The following PIEZO1 variants were observed in gnomAD, a reference collection of about 807,000 sequenced individuals.
The protein encoded by PIEZO1 is piezo-type mechanosensitive ion channel component 1.
Under a neutral mutation model 297.2 loss-of-function variants are expected in PIEZO1, and 296 were observed. The observed-to-expected ratio is 1.00, with a 90% CI of 0.91 to 1.10. The LOEUF is 1.10. Ranked by LOEUF, PIEZO1 falls within the 50% of genes least tolerant of loss-of-function variation. The pLI is 0.00. For synonymous variants in PIEZO1, 2,427 were observed against 1,507.5 expected, an observed-to-expected ratio of 1.61 and a Z score of -14.13; for missense variants, 5,018 against 3,455.5, an observed-to-expected ratio of 1.45 and a Z score of -11.34.
At chr16:88,761,280 A>G (rs1268437065) in intron 1 of PIEZO1, among the ~76,000 whole-genome samples, 1 of 152,232 alleles carries the variant, frequency 6.6e-6, no homozygotes, top group East Asian at 1.9e-4. Context: ...CATTTCACAG[A>G]TGAGCACACA....
At position 88,715,626 on chromosome 16, in the gene PIEZO1, C is replaced by T. The variant is rs760119794; in HGVS notation, c.7545G>A (p.Lys2515=). ...GCTCCTACTCCTTCTCACGAGTCCA[C>T]TTGATCATGGTCTCCGGTGAGCGGT... The part of the protein sequence containing the change: ...FLYRSPETMI[K]WTREKE Residue 2515 remains lysine (K), a synonymous_variant, in exon 51 of 51, where the codon AAG becomes AAA. Coordinates refer to ENST00000301015, the MANE Select transcript of PIEZO1 (RefSeq NM_001142864.4). 1.9e-6 allele frequency: 3 copies of T among 1,550,152 alleles called. No individual in the cohort carries two copies. The highest frequency in any genetic ancestry group is 2.4e-5 in the South Asian group (2 of 84,060).
In PIEZO1 at chr16:88,749,399, G is replaced by C. The variant is rs1166469802; in HGVS notation, c.145C>G (p.Arg49Gly). The C allele has an allele frequency of 1.3e-6, 2 of 1,514,358 alleles. No homozygotes were observed. The highest frequency in any genetic ancestry group is 2.1e-5 in the Admixed American group (1 of 47,482). The allele number at this position is 1,514,358 out of a possible 1,614,324, so 93.8% of individuals were successfully genotyped here. Residue 49 changes from arginine to glycine, a missense_variant, in exon 2 of 51, where the codon CGA (arginine) becomes GGA (glycine). Transcript: ENST00000301015. ...LLLPWFPGPT[R>G]CGLQGHTGRL... is the part of the protein sequence containing the mutation. ...CTGGCCTTACCTTGGAGGCCGCATC[G>C]GGTGGGGCCGGGGAACCAGGGCAGC...
intron 1 of PIEZO1, among the ~76,000 whole-genome samples, chr16:88,773,334 G>A (rs529872272): frequency 6.6e-6 from 1 of 152,380 alleles, no homozygotes; most frequent in East Asian, 1.9e-4. Flanking sequence ...GAGGAGGTCT[G>A]CCCACCTGGC....
At chr16:88,729,637 C>T (rs1182841794) in intron 22 of PIEZO1, among the ~76,000 whole-genome samples, 3 of 144,686 alleles carry the variant, frequency 2.1e-5, no homozygotes, top group Non-Finnish European at 4.5e-5. Flanking sequence ...CCCCATCTGC[C>T]ACAGAGGGAA....
chr16:88,738,123 G>C lies in PIEZO1; in HGVS notation c.849-18C>G. On this transcript the variant is annotated intron_variant, in intron 7 of 50. Coordinates refer to ENST00000301015, the MANE Select transcript of PIEZO1 (RefSeq NM_001142864.4). ...CCAGCACCCTGTCCAGAGAAGACCC[G>C]TCACAGCCTACCACCCCAGAGGCAG... 6.5e-7 allele frequency: 1 copy of C among 1,535,730 alleles called. No homozygotes were observed. Among genetic ancestry groups the C allele is most frequent in the Non-Finnish European group, 8.7e-7 (1 of 1,146,788 alleles).
In PIEZO1 at chr16:88,734,032, G is replaced by GGGTCCCACTCACTGC. The variant is rs1373153546; in HGVS notation, c.2188_2202dup (p.Ala730_Thr734dup). The GGGTCCCACTCACTGC allele has an allele frequency of 1.1e-5, 17 of 1,539,890 alleles. No homozygotes were observed. The highest frequency in any genetic ancestry group is 1.4e-5 in the Non-Finnish European group (16 of 1,140,646). On this transcript the variant is annotated inframe_insertion, in exon 17 of 51. Transcript: ENST00000301015. ...TCCTGCTGCTCCTCCCGCAGCAGTG[G>GGGTCCCACTCACTGC]GGTCCCACTCACTGCATCCTGCCTG...
Position 88,715,701 on chromosome 16 carries a change from AGTCTCCCGCACCAGG to A in PIEZO1, c.7455_7469del (p.Leu2486_Thr2490del), listed in dbSNP as rs1567655682. On this transcript the variant is annotated inframe_deletion, in exon 51 of 51. Transcript: ENST00000301015. The stretch of plus-strand genomic sequence containing the variant: ...ACTCCTCCTCCAGCTCCAGCTCCCG[AGTCTCCCGCACCAGG>A]AAGATGTCCTGGCAGAGCTTGAGGA... 1 of 1,549,788 alleles carries A rather than the reference AGTCTCCCGCACCAGG, an allele frequency of 6.5e-7. No homozygotes were observed. The highest frequency in any genetic ancestry group is 8.7e-7 in the Non-Finnish European group (1 of 1,146,368).
At chr16:88,732,214 C>G (rs1460774617) in intron 21 of PIEZO1, 121 bp downstream of exon 21, 1 of 826,708 alleles carries the variant, frequency 1.2e-6, no homozygotes. Context: ...CTGAGTCCCC[C>G]ACCCTCTGTG....
intron 1 of PIEZO1, among the ~76,000 whole-genome samples, chr16:88,783,436 G>A (rs1278176487): frequency 6.6e-6 from 1 of 152,372 alleles, no homozygotes; most frequent in East Asian, 1.9e-4. Context: ...TGCCATCTGA[G>A]AGGGGGGGCA....
intron 1 of PIEZO1, among the ~76,000 whole-genome samples, chr16:88,761,086 G>A (rs946737632): frequency 2.0e-5 from 3 of 152,224 alleles, no homozygotes; most frequent in Admixed American, 6.5e-5. Flanking sequence ...GGGCAGGGTG[G>A]GGGTCCGTCT....
chr16:88,733,619 G>T lies in PIEZO1; in HGVS notation c.2456C>A (p.Ala819Asp). Residue 819 changes from alanine to aspartate, a missense_variant, in exon 18 of 51, where the codon GCC becomes GAC. Transcript: ENST00000301015. ...CAGGGCCACCCAGACGGTGTACAGG[G>T]CCACCAGCTTGAAAACGTGAAGCTC... ...LLELHVFKLV[A>D]LYTVWVALKE... The T allele has an allele frequency of 6.5e-7, 1 of 1,549,352 alleles. No homozygotes were observed. Among genetic ancestry groups the T allele is most frequent in the Non-Finnish European group, 8.7e-7 (1 of 1,146,346 alleles).
Position 88,742,413 on chromosome 16 carries a change from CCTG to C in PIEZO1, c.167_169del (p.Thr56_Gly57delinsSer), listed in dbSNP as rs1905742057. On this transcript the variant is annotated inframe_deletion, in exon 3 of 51. Transcript: ENST00000301015. ...GCCCAGCAATGCCCGCAGGAGGCGG[CCTG>C]TGTGACCTGCGGCAGAGCGAGTGGG... The C allele has an allele frequency of 6.5e-7, 1 of 1,534,616 alleles. No homozygotes were observed. Among genetic ancestry groups the C allele is most frequent in the Non-Finnish European group, 8.7e-7 (1 of 1,146,558 alleles).
chr16:88,722,665 G>C lies in PIEZO1; in HGVS notation c.4693C>G (p.Leu1565Val). 1 of 1,538,030 alleles carries C rather than the reference G, an allele frequency of 6.5e-7. No individual in the cohort carries two copies. The highest frequency in any genetic ancestry group is 8.7e-7 in the Non-Finnish European group (1 of 1,146,436). The change falls in exon 35 of 51, where the codon CTG becomes GTG. Residue 1565 changes from leucine to valine, a missense_variant. Leu to Val is a conservative substitution (Grantham distance 32). Coordinates refer to ENST00000301015, the MANE Select transcript of PIEZO1 (RefSeq NM_001142864.4). ...LQGGEVHRGV[L>V]DQLYTSQAEA... ...GCCTGGCTTGTGTACAGCTGATCCAGCACGCCCCTGTGCACTTCGCCGCCC... is the reference window on the plus strand; with the variant it reads ...GCCTGGCTTGTGTACAGCTGATCCACCACGCCCCTGTGCACTTCGCCGCCC...
intron 1 of PIEZO1, among the ~76,000 whole-genome samples, chr16:88,777,029 A>G (rs139057304): frequency 6.6e-6 from 1 of 152,248 alleles, no homozygotes; most frequent in East Asian, 1.9e-4. Context: ...CTGGAGTGCA[A>G]TGGTGTGATC....
At chr16:88,760,845 T>C (rs113109506) in intron 1 of PIEZO1, among the ~76,000 whole-genome samples, 4 of 152,374 alleles carry the variant, frequency 2.6e-5, no homozygotes, top group African/African-American at 9.6e-5. Flanking sequence ...CTGAGGAGCT[T>C]CTGGACCATT....
At position 88,727,697 on chromosome 16, in the gene PIEZO1, C is replaced by T. The variant is rs759137642; in HGVS notation, c.3197-36G>A. ...GGGTGTCATGTCAGGAAGGGCCGGG[C>T]CTGCCTGGGGCCTGAGACACCCGGT... On this transcript the variant is annotated intron_variant, in intron 22 of 50. Transcript: ENST00000301015. The T allele has an allele frequency of 2.7e-5, 31 of 1,136,494 alleles. No individual in the cohort carries two copies. The South Asian group carries it at 4.8e-4, about 18-fold the overall frequency. 70.4% of individuals were successfully genotyped at this position (1,136,494 alleles called of 1,614,324 possible). A position where few individuals can be genotyped will look rare whatever the true frequency, so the allele number is the denominator to read the frequency against.
chr16:88,752,665 C>A (rs1439429171), intron 1 of PIEZO1, among the ~76,000 whole-genome samples: 1 of 152,118 alleles, frequency 6.6e-6, no homozygotes, highest in East Asian at 1.9e-4. Context: ...CCTGACCGCC[C>A]TGCCCCTGGC....
Position 88,737,612 on chromosome 16 carries a change from T to A in PIEZO1, c.1142A>T (p.Asp381Val). 1.3e-6 allele frequency: 2 copies of A among 1,532,856 alleles called. No individual in the cohort carries two copies. The highest frequency in any genetic ancestry group is 1.7e-6 in the Non-Finnish European group (2 of 1,146,590). The allele number at this position is 1,532,856 out of a possible 1,614,324, so 95.0% of individuals were successfully genotyped here. A position where few individuals can be genotyped will look rare whatever the true frequency, so the allele number is the denominator to read the frequency against. Residue 381 changes from aspartate (D) to valine (V), a missense_variant, in exon 10 of 51, where the codon GAT (aspartate) becomes GTT (valine). By Grantham distance (152) the Asp-to-Val change is radical. Transcript: ENST00000301015. Reference sequence around the variant, plus strand: ...GGTCAGCTCGTGCACGATGCAGTTATCAGCCTCGGTGTCGGGTGCTGTGGG... The same window carrying A: ...GGTCAGCTCGTGCACGATGCAGTTAACAGCCTCGGTGTCGGGTGCTGTGGG... ...VVPTAPDTEA[D>V]NCIVHELTGQ...
chr16:88,732,810 C>T (rs1904954426), intron 19 of PIEZO1, 78 bp from the exon 20 acceptor site: 1 of 1,391,118 alleles, frequency 7.2e-7, no homozygotes, highest in Non-Finnish European at 9.7e-7. Flanking sequence ...ACCACAGCCA[C>T]AGCTCTGGGG....
Sources: gnomAD v4.1 joint callset for allele counts (sites outside exome capture counted in the v4.1 genomes callset) on GRCh38, gnomAD v4.1.1 for gene constraint, MANE v1.5 for transcripts, NCBI Gene and HGNC (gene_info 2026-07-23, HGNC 2026-07-21) for gene names.